The following SEC24A variants were observed in gnomAD, a reference collection of about 807,000 sequenced individuals.
The protein encoded by SEC24A is protein transport protein Sec24A.
SEC24A carries 93 observed loss-of-function variants against 129.4 expected under a neutral mutation model. The ratio of observed to expected loss-of-function variants is 0.72; its 90% CI spans 0.61 to 0.85. SEC24A has a LOEUF of 0.85. Among genes scored for constraint, SEC24A ranks in the 40% least tolerant of loss-of-function variants. The probability of loss-of-function intolerance (pLI) is 0.00; values close to 1 mark genes in which losing one functional copy is unlikely to be tolerated. For synonymous variants in SEC24A, 460 were observed against 467.3 expected, an observed-to-expected ratio of 0.98 and a Z score of 0.20; for missense variants, 1,264 against 1,307.4, an observed-to-expected ratio of 0.97 and a Z score of 0.51.
chr5:134,694,016 T>C (rs1751743653), intron 13 of SEC24A, 83 bp downstream of exon 13: 1 of 1,155,132 alleles, frequency 8.7e-7, no homozygotes, highest in Non-Finnish European at 1.2e-6. Context: ...TCTTTAAATT[T>C]ATTTGTCAAT....
At chr5:134,671,251 G>A (rs1580694686) in intron 3 of SEC24A, among the ~76,000 whole-genome samples, 1 of 152,008 alleles carries the variant, frequency 6.6e-6, no homozygotes, top group Admixed American at 6.6e-5. Flanking sequence ...TAGTAGAGAC[G>A]GGGTTTCCCC....
chr5:134,695,422 C>T (rs1280781233), intron 13 of SEC24A, among the ~76,000 whole-genome samples: 1 of 152,058 alleles, frequency 6.6e-6, no homozygotes, highest in East Asian at 1.9e-4. Context: ...GAGGCTGAGG[C>T]AGGCGGATAA....
chr5:134,705,085 TA>T (rs1233491658), intron 16 of SEC24A, among the ~76,000 whole-genome samples: 56 of 129,886 alleles, frequency 4.3e-4, no homozygotes, highest in South Asian at 1.6e-3. Flanking sequence ...TATATATATA[TA>T]TATATTTTTT....
At chr5:134,719,334 A>C (rs982723512) in intron 20 of SEC24A, among the ~76,000 whole-genome samples, 4 of 150,864 alleles carry the variant, frequency 2.7e-5, no homozygotes, top group Non-Finnish European at 5.9e-5. Context: ...GTAAGCTGAG[A>C]TCACACCACT....
rs373728273 is a variant in SEC24A, at chr5:134,698,010, C to T, written c.2219C>T (p.Thr740Ile). ...CAGAAGGAACTACAGAGATACCTTA[C>T]TCGGAAGATTGGCTTTGAGGCAGTC... ...KLQKELQRYL[T>I]RKIGFEAVMR... The change falls in exon 15 of 23, where the codon ACT (threonine) becomes ATT (isoleucine). Residue 740 changes from threonine (T) to isoleucine (I), a missense_variant. Thr to Ile is a moderately conservative substitution (Grantham distance 89). Transcript: ENST00000398844. 75 of 1,613,946 alleles carry T rather than the reference C, an allele frequency of 4.6e-5. No homozygotes were observed. In the African/African-American group the frequency reaches 8.0e-4, roughly 17 times the overall value.
rs1330174364 is a variant in SEC24A, at chr5:134,682,453, A to G, written c.1462A>G (p.Ile488Val). 3 of 1,600,022 alleles carry G rather than the reference A, an allele frequency of 1.9e-6. No homozygotes were observed. Among genetic ancestry groups the G allele is most frequent in the Non-Finnish European group, 1.7e-6 (2 of 1,167,244 alleles). Residue 488 changes from isoleucine to valine, a missense_variant, in exon 9 of 23, where the codon ATT becomes GTT. By Grantham distance (29) the Ile-to-Val change is conservative. Coordinates refer to ENST00000398844, the MANE Select transcript of SEC24A (RefSeq NM_021982.3). The part of the protein sequence containing the change: ...HRRPEVQNAT[I>V]EFMAPSEYML... ...AAGACCAGAAGTTCAAAATGCTACT[A>G]TTGAGTTTATGGCTCCTTCAGAATA...
intron 15 of SEC24A, among the ~76,000 whole-genome samples, chr5:134,700,589 A>G (rs1266632060): frequency 1.3e-5 from 2 of 151,884 alleles, no homozygotes; most frequent in Non-Finnish European, 2.9e-5. Flanking sequence ...ATAAAGATCC[A>G]CTAACCTGTT....
At chr5:134,660,227 G>A (rs577670043) in intron 1 of SEC24A, among the ~76,000 whole-genome samples, 2 of 151,742 alleles carry the variant, frequency 1.3e-5, no homozygotes, top group Admixed American at 6.6e-5. Flanking sequence ...TTAGGCCGGC[G>A]TGGTGGTGCA....
chr5:134,682,488 C>CT lies in SEC24A; in HGVS notation c.1491+10dup, dbSNP rs770287829. 6.7e-7 allele frequency: 1 copy of CT among 1,485,150 alleles called. No homozygotes were observed. The highest frequency in any genetic ancestry group is 1.2e-5 in the South Asian group (1 of 86,602). The allele number at this position is 1,485,150 out of a possible 1,614,324, so 92.0% of individuals were successfully genotyped here. A position where few individuals can be genotyped will look rare whatever the true frequency, so the allele number is the denominator to read the frequency against. On this transcript the variant is annotated splice_region_variant and intron_variant, in intron 9 of 22. Transcript: ENST00000398844. ...TGGCTCCTTCAGAATACATGGTAAA[C>CT]TTTTATTTTTTGATACAGTATACCC... is the stretch of plus-strand genomic sequence containing the variant.
At chr5:134,660,056 G>A (rs373210375) in intron 1 of SEC24A, among the ~76,000 whole-genome samples, 17 of 152,006 alleles carry the variant, frequency 1.1e-4, no homozygotes, top group African/African-American at 3.4e-4. Flanking sequence ...CCTCTTTAGC[G>A]TATTAGCTTG....
At chr5:134,698,562 C>T (rs1486845113) in intron 15 of SEC24A, among the ~76,000 whole-genome samples, 1 of 145,104 alleles carries the variant, frequency 6.9e-6, no homozygotes, top group African/African-American at 2.6e-5. Context: ...GAGCAGAGAT[C>T]ACACCACTGC....
Position 134,693,866 on chromosome 5 carries a change from A to G in SEC24A, c.1919A>G (p.Gln640Arg). ...TGGRMSVFQT[Q>R]LPTLGVGALK... is the part of the protein sequence containing the mutation. ...GGTCGAATGTCTGTCTTTCAAACAC[A>G]ACTCCCAACTCTTGGAGTGGGAGCC... is the stretch of plus-strand genomic sequence containing the variant. Residue 640 changes from glutamine (Q) to arginine (R), a missense_variant, in exon 13 of 23, where the codon CAA (glutamine) becomes CGA (arginine). Gln to Arg is a conservative substitution (Grantham distance 43). Transcript: ENST00000398844. 6.2e-7 allele frequency: 1 copy of G among 1,614,086 alleles called. No homozygotes were observed. The highest frequency in any genetic ancestry group is 8.5e-7 in the Non-Finnish European group (1 of 1,180,016).
intron 12 of SEC24A, chr5:134,693,286 T>A: frequency 7.1e-7 from 1 of 1,410,606 alleles, no homozygotes; most frequent in Non-Finnish European, 9.2e-7. Context: ...TAAAGGTAGT[T>A]GTTTTTCTTT....
chr5:134,686,942 A>G, intron 10 of SEC24A, 40 bp downstream of exon 10: 1 of 1,094,520 alleles, frequency 9.1e-7, no homozygotes, highest in Non-Finnish European at 1.4e-6. Context: ...AACTAATAAT[A>G]TTTTCTAAAT....
intron 10 of SEC24A, among the ~76,000 whole-genome samples, chr5:134,687,713 G>A (rs949408984): frequency 3.3e-5 from 5 of 152,198 alleles, no homozygotes; most frequent in Non-Finnish European, 5.9e-5. Context: ...GAACAAGAGT[G>A]AAAAACAGTT....
At chr5:134,684,215 A>T (rs1240908531) in intron 9 of SEC24A, among the ~76,000 whole-genome samples, 1 of 151,788 alleles carries the variant, frequency 6.6e-6, no homozygotes, top group East Asian at 1.9e-4. Context: ...AGGCAGGAAA[A>T]ATGCTTGAAA....
At chr5:134,716,910 G>T (rs527531340) in intron 19 of SEC24A, among the ~76,000 whole-genome samples, 39 of 132,190 alleles carry the variant, frequency 3.0e-4, no homozygotes, top group Non-Finnish European at 4.6e-4. Context: ...ACAGGGTTTT[G>T]CACTTGTTGC....
At chr5:134,677,601 G>T (rs1751111816) in intron 7 of SEC24A, among the ~76,000 whole-genome samples, 1 of 151,566 alleles carries the variant, frequency 6.6e-6, no homozygotes, top group African/African-American at 2.4e-5. Flanking sequence ...ACTTTGGGAG[G>T]CTGAGGCGGG....
chr5:134,665,688 C>G (rs550560612), intron 2 of SEC24A, among the ~76,000 whole-genome samples: 302 of 152,010 alleles, frequency 2.0e-3, no homozygotes, highest in African/African-American at 7.0e-3. Flanking sequence ...TCCCAAGTAG[C>G]TGGGATTACA....
Sources: gnomAD v4.1 joint callset for allele counts (sites outside exome capture counted in the v4.1 genomes callset) on GRCh38, gnomAD v4.1.1 for gene constraint, MANE v1.5 for transcripts, NCBI Gene and HGNC (gene_info 2026-07-23, HGNC 2026-07-21) for gene names.